UTRN: variants seen among roughly 807,000 people sequenced by gnomAD.
UTRN encodes the protein utrophin.
In UTRN, 283 loss-of-function variants were observed where a neutral mutation model predicts 463.9. The ratio of observed to expected loss-of-function variants is 0.61; its 90% CI spans 0.55 to 0.67. The LOEUF (loss-of-function observed/expected upper bound fraction) is 0.67, where lower values mean the gene tolerates loss of function less well. UTRN is among the 30% of genes least tolerant of loss of function. The pLI is 0.00. For missense variants in UTRN, 3,922 were observed against 4,084.3 expected (o/e 0.96, Z 1.08); for synonymous variants, 1,442 against 1,431.5 (o/e 1.01, Z -0.17).
intron 10 of UTRN, 39 bp from the exon 11 acceptor site, chr6:144,437,526 A>G: frequency 6.7e-7 from 1 of 1,491,710 alleles, no homozygotes. Context: ...TTTTTTTTGC[A>G]CTGAGTAGCT....
intron 65 of UTRN, among the ~76,000 whole-genome samples, chr6:144,819,524 G>A (rs62427245): frequency 0.11 from 16,608 of 151,724 alleles, 1,626 homozygotes; most frequent in Admixed American, 0.32. Flanking sequence ...GTGAAACCCC[G>A]TCTACTAAAA....
chr6:144,708,319 G>C (rs556212837), intron 53 of UTRN: 44 of 666,754 alleles, frequency 6.6e-5, no homozygotes, highest in South Asian at 5.9e-4. Context: ...TATAAACCAA[G>C]AAGTCTTCTG....
At chr6:144,595,090 T>C (rs973103765) in intron 51 of UTRN, among the ~76,000 whole-genome samples, 1 of 152,182 alleles carries the variant, frequency 6.6e-6, no homozygotes, top group Admixed American at 6.6e-5. Flanking sequence ...AAATGCTGAA[T>C]TTGGAATCAC....
chr6:144,792,125 C>T (rs1358379928), intron 62 of UTRN, among the ~76,000 whole-genome samples: 3 of 152,144 alleles, frequency 2.0e-5, no homozygotes, highest in Non-Finnish European at 4.4e-5. Context: ...ATTGAATTTG[C>T]TTTCCCTATG....
intron 23 of UTRN, among the ~76,000 whole-genome samples, chr6:144,463,238 A>C (rs1289009772): frequency 6.6e-6 from 1 of 152,220 alleles, no homozygotes; most frequent in Non-Finnish European, 1.5e-5. Context: ...TGCTGAATAC[A>C]TGAAACTACT....
intron 51 of UTRN, among the ~76,000 whole-genome samples, chr6:144,590,858 ACACACACACACACACACGCACATG>A (rs1802978643): frequency 7.8e-6 from 1 of 128,076 alleles, no homozygotes; most frequent in South Asian, 2.7e-4. Flanking sequence ...ACACACACAC[ACACACACACACACACACGCACATG>A]CACACACACA....
chr6:144,677,361 G>C (rs1318425652), intron 51 of UTRN, among the ~76,000 whole-genome samples: 1 of 152,114 alleles, frequency 6.6e-6, no homozygotes, highest in Non-Finnish European at 1.5e-5. Context: ...GTGAGAACAT[G>C]CGGTGTTTGG....
chr6:144,809,288 A>C (rs6939199), intron 65 of UTRN, among the ~76,000 whole-genome samples: 2,783 of 152,256 alleles, frequency 0.018, 81 homozygotes, highest in African/African-American at 0.063. Flanking sequence ...ACTGATTGCT[A>C]CCTTGCCACT....
At chr6:144,514,431 C>T (rs2128592034) in intron 36 of UTRN, among the ~76,000 whole-genome samples, 1 of 152,300 alleles carries the variant, frequency 6.6e-6, no homozygotes, top group African/African-American at 2.4e-5. Context: ...TTTGTATTCT[C>T]CAGCGAGTCT....
At chr6:144,782,630 A>G (rs1240188080) in intron 61 of UTRN, among the ~76,000 whole-genome samples, 1 of 133,382 alleles carries the variant, frequency 7.5e-6, no homozygotes, top group Admixed American at 7.1e-5. Flanking sequence ...GTGTGTGTAT[A>G]TATATATAAT....
At chr6:144,708,357 T>G in intron 53 of UTRN, 1 of 659,798 alleles carries the variant, frequency 1.5e-6, no homozygotes, top group Non-Finnish European at 2.9e-6. Flanking sequence ...ACTGAATCGA[T>G]AAAAAAGAGT....
At chr6:144,613,409 A>G (rs1361205500) in intron 51 of UTRN, among the ~76,000 whole-genome samples, 1 of 152,084 alleles carries the variant, frequency 6.6e-6, no homozygotes, top group African/African-American at 2.4e-5. Flanking sequence ...CAGGTAAGCA[A>G]GGAGATGAAT....
At chr6:144,727,858 G>A (rs564108823) in intron 53 of UTRN, among the ~76,000 whole-genome samples, 77 of 152,262 alleles carry the variant, frequency 5.1e-4, no homozygotes, top group Middle Eastern at 6.8e-3. Context: ...GGGAGGCCAA[G>A]GCAGGTGGAT....
chr6:144,581,003 A>G (rs1048465105), intron 51 of UTRN, among the ~76,000 whole-genome samples: 1 of 152,228 alleles, frequency 6.6e-6, no homozygotes, highest in Non-Finnish European at 1.5e-5. Flanking sequence ...AAGTGGTGTT[A>G]GAGCCTAAGA....
chr6:144,346,255 TG>T (rs1777561682), intron 2 of UTRN, among the ~76,000 whole-genome samples: 1 of 152,166 alleles, frequency 6.6e-6, no homozygotes, highest in African/African-American at 2.4e-5. Flanking sequence ...AATGCTGTGC[TG>T]GTTGAGTTCT....
Position 144,485,473 on chromosome 6 carries a change from C to G in UTRN, c.3776C>G (p.Thr1259Arg). The G allele has an allele frequency of 6.2e-7, 1 of 1,614,092 alleles. No individual in the cohort carries two copies. The highest frequency in any genetic ancestry group is 8.5e-7 in the Non-Finnish European group (1 of 1,180,012). The change falls in exon 28 of 75, where the codon ACA (threonine) becomes AGA (arginine). Residue 1259 changes from threonine to arginine, a missense_variant. This residue lies in a region of UTRN where 2,349 missense variants were observed against 2,303.8 expected (regional missense o/e 1.02). Transcript: ENST00000367545. ...ACTTTGGAAGAGCGGATGAAGAGCA[C>G]AGAGGTCCTGCCTGAGAAGACGGAT... ...LNTLEERMKS[T>R]EVLPEKTDAV...
chr6:144,347,861 T>TTTG (rs59498938), intron 2 of UTRN, among the ~76,000 whole-genome samples: 1 of 150,062 alleles, frequency 6.7e-6, no homozygotes, highest in East Asian at 1.9e-4. Flanking sequence ...TTTTTTTTTT[T>TTTG]GAGACTAAGT....
intron 2 of UTRN, among the ~76,000 whole-genome samples, chr6:144,300,526 T>G (rs1471618924): frequency 6.6e-6 from 1 of 152,224 alleles, no homozygotes; most frequent in Non-Finnish European, 1.5e-5. Context: ...CTTTTACCTC[T>G]TTGAAGATAC....
intron 34 of UTRN, among the ~76,000 whole-genome samples, chr6:144,504,465 T>A (rs1794519873): frequency 6.6e-6 from 1 of 152,262 alleles, no homozygotes; most frequent in Admixed American, 6.5e-5. Flanking sequence ...TTGAATTTTA[T>A]CAAAGGCCTT....
Sources: allele counts gnomAD v4.1 joint callset (sites outside exome capture counted in the v4.1 genomes callset), GRCh38; gene constraint gnomAD v4.1.1; regional missense constraint gnomAD v4.1.1; transcripts MANE v1.5; gene names NCBI Gene and HGNC (gene_info 2026-07-23, HGNC 2026-07-21).